The following GTF2IRD1 variants were observed in gnomAD, a reference collection of about 807,000 sequenced individuals.
GTF2IRD1 encodes the protein general transcription factor II-I repeat domain-containing protein 1.
A neutral mutation model predicts 113.2 loss-of-function variants in GTF2IRD1; 26 were observed. That is an observed-to-expected ratio of 0.23 (90% CI 0.17 to 0.32). The LOEUF (loss-of-function observed/expected upper bound fraction) is 0.32. GTF2IRD1 is among the 10% of genes least tolerant of loss of function. The pLI is 1.00. For missense variants in GTF2IRD1, 864 were observed against 1,280.8 expected (o/e 0.67, Z 4.97); for synonymous variants, 484 against 529.1 (o/e 0.91, Z 1.17).
chr7:74,455,659 C>T (rs1792919436), intron 1 of GTF2IRD1, among the ~76,000 whole-genome samples: 1 of 152,196 alleles, frequency 6.6e-6, no homozygotes, highest in Non-Finnish European at 1.5e-5. Flanking sequence ...GAGATAGACT[C>T]TGACCTCTTC....
In GTF2IRD1 at chr7:74,555,071, G is replaced by C. The variant is rs1389154836; in HGVS notation, c.1917-103G>C. The C allele has an allele frequency of 8.9e-6, 9 of 1,007,308 alleles. No homozygotes were observed. In the Admixed American group the frequency reaches 1.1e-4, roughly 12 times the overall value. 62.4% of individuals were successfully genotyped at this position (1,007,308 alleles called of 1,614,324 possible). A position where few individuals can be genotyped will look rare whatever the true frequency, so the allele number is the denominator to read the frequency against. ...GGCCTGAACTATGCATAGCCAGAAGGGTCCATTGCAGGGCTGTGTAGACTG... is the reference window on the plus strand; with the variant it reads ...GGCCTGAACTATGCATAGCCAGAAGCGTCCATTGCAGGGCTGTGTAGACTG... On this transcript the variant is annotated intron_variant, in intron 17 of 26. Transcript: ENST00000424337. This position sits in a 1 kb window ranked among gnomAD's most constrained non-coding sequence, Gnocchi z 5.3.
intron 4 of GTF2IRD1, among the ~76,000 whole-genome samples, chr7:74,516,159 G>C (rs1554344580): frequency 6.6e-6 from 1 of 152,190 alleles, no homozygotes; most frequent in Non-Finnish European, 1.5e-5. Context: ...TACATCTTTT[G>C]AGACTGCCTT....
intron 1 of GTF2IRD1, among the ~76,000 whole-genome samples, chr7:74,463,310 G>A (rs545600378): frequency 8.0e-4 from 122 of 151,836 alleles, no homozygotes; most frequent in Admixed American, 1.9e-3. Context: ...ATCATAGCTT[G>A]CTGCAGTCTT....
chr7:74,576,836 G>T (rs1554364711), intron 22 of GTF2IRD1, among the ~76,000 whole-genome samples: 1 of 151,548 alleles, frequency 6.6e-6, no homozygotes, highest in East Asian at 2.0e-4. Flanking sequence ...GCCCAGGCTG[G>T]TCTCAAACTC....
chr7:74,547,716 GGT>G (rs1390546094), intron 17 of GTF2IRD1, among the ~76,000 whole-genome samples: 1 of 151,428 alleles, frequency 6.6e-6, no homozygotes, highest in Non-Finnish European at 1.5e-5. Flanking sequence ...TGGGATTACA[GGT>G]GTGAGCCACG....
intron 22 of GTF2IRD1, among the ~76,000 whole-genome samples, chr7:74,582,972 T>C (rs1801503651): frequency 6.7e-6 from 1 of 149,496 alleles, no homozygotes. Flanking sequence ...CAAGACCCTG[T>C]CTCTACCAAA....
chr7:74,490,499 G>A (rs1554336459), intron 1 of GTF2IRD1, among the ~76,000 whole-genome samples: 1 of 152,020 alleles, frequency 6.6e-6, no homozygotes, highest in East Asian at 1.9e-4. Context: ...GGACTAGAGA[G>A]GGAGTATTCA....
intron 1 of GTF2IRD1, among the ~76,000 whole-genome samples, chr7:74,479,875 C>T (rs782628964): frequency 6.6e-6 from 1 of 151,070 alleles, no homozygotes; most frequent in Non-Finnish European, 1.5e-5. Context: ...GTCTCAGCCT[C>T]CTGAGTGGCT....
rs1305977144 is a variant in GTF2IRD1 at position 74,601,427 on chromosome 7, G to T, written c.2766+247G>T. The T allele has an allele frequency of 2.7e-6, 4 of 1,470,888 alleles. No individual in the cohort carries two copies. In the East Asian group the frequency reaches 9.9e-5, roughly 36 times the overall value. The allele number at this position is 1,470,888 out of a possible 1,614,324, so 91.1% of individuals were successfully genotyped here. On this transcript the variant is annotated intron_variant, in intron 26 of 26. Transcript: ENST00000424337. ...CACATCCTCGCTGGGCAGATGGGCC[G>T]GCTGAGGTCCACCTGCCCACACCCT...
intron 1 of GTF2IRD1, among the ~76,000 whole-genome samples, chr7:74,488,197 C>T (rs1438810016): frequency 7.9e-5 from 12 of 151,702 alleles, no homozygotes; most frequent in African/African-American, 1.2e-4. Context: ...GCGGGAGGAT[C>T]GCTTGAGCCC....
intron 1 of GTF2IRD1, among the ~76,000 whole-genome samples, chr7:74,476,254 T>C (rs1445618696): frequency 6.6e-6 from 1 of 152,088 alleles, no homozygotes; most frequent in Non-Finnish European, 1.5e-5. Context: ...TGATGGCAGC[T>C]AGTTGTTATT....
intron 4 of GTF2IRD1, among the ~76,000 whole-genome samples, chr7:74,517,262 G>T (rs1796988905): frequency 6.6e-6 from 1 of 151,102 alleles, no homozygotes; most frequent in Non-Finnish European, 1.5e-5. Flanking sequence ...GACCTCAAGT[G>T]ATCCACCTGC....
chr7:74,477,411 C>T (rs1320488966), intron 1 of GTF2IRD1, among the ~76,000 whole-genome samples: 18 of 108,440 alleles, frequency 1.7e-4, no homozygotes, highest in African/African-American at 5.9e-4. Flanking sequence ...TGGGGTGGGA[C>T]GGGGCAGGGC....
intron 9 of GTF2IRD1, among the ~76,000 whole-genome samples, chr7:74,533,550 C>A (rs587595816): frequency 1.5e-4 from 23 of 152,310 alleles, no homozygotes; most frequent in Admixed American, 1.4e-3. Flanking sequence ...CATTGGGGCA[C>A]CTGTTGCCCA....
intron 1 of GTF2IRD1, among the ~76,000 whole-genome samples, chr7:74,460,012 G>A (rs1185742415): frequency 2.0e-5 from 3 of 151,614 alleles, no homozygotes; most frequent in Non-Finnish European, 4.4e-5. Flanking sequence ...GTCTCACTCT[G>A]TCACCCAGGC....
intron 1 of GTF2IRD1, among the ~76,000 whole-genome samples, chr7:74,492,246 C>A (rs1174227448): frequency 2.0e-5 from 3 of 151,750 alleles, no homozygotes; most frequent in Admixed American, 2.0e-4. Context: ...TCTCGGCTCA[C>A]CGCAAGCTCT....
chr7:74,540,936 G>T (rs1367631291), intron 14 of GTF2IRD1, among the ~76,000 whole-genome samples: 1 of 151,382 alleles, frequency 6.6e-6, no homozygotes, highest in African/African-American at 2.4e-5. Flanking sequence ...TAATTTTTTT[G>T]TATTTTTAGT....
At chr7:74,518,864 G>C (rs1554345250) in intron 5 of GTF2IRD1, among the ~76,000 whole-genome samples, 1 of 152,112 alleles carries the variant, frequency 6.6e-6, no homozygotes, top group Non-Finnish European at 1.5e-5. Context: ...CTCCAGCATG[G>C]GCAACAGAGC....
chr7:74,531,780 T>G (rs1429493564), intron 9 of GTF2IRD1, among the ~76,000 whole-genome samples: 2 of 152,042 alleles, frequency 1.3e-5, no homozygotes, highest in Non-Finnish European at 2.9e-5. Flanking sequence ...CCCAGGTATC[T>G]GCAGGGTATG....
Sources: gnomAD v4.1 joint callset for allele counts (sites outside exome capture counted in the v4.1 genomes callset) on GRCh38, gnomAD v4.1.1 for gene constraint, Gnocchi (gnomAD v3.1) non-coding constraint, MANE v1.5 for transcripts, NCBI Gene and HGNC (gene_info 2026-07-23, HGNC 2026-07-21) for gene names.